PTPRN2: variants seen among roughly 807,000 people sequenced by gnomAD.
The protein encoded by PTPRN2 is receptor-type tyrosine-protein phosphatase N2.
Under a neutral mutation model 118.8 loss-of-function variants are expected in PTPRN2, and 74 were observed. The ratio of observed to expected loss-of-function variants is 0.62; its 90% CI spans 0.52 to 0.76. PTPRN2 has a LOEUF of 0.76. Ranked by LOEUF, PTPRN2 falls within the 30% of genes least tolerant of loss-of-function variation. The pLI, the probability that PTPRN2 is intolerant of heterozygous loss-of-function variation, is 0.00. For synonymous variants in PTPRN2, 641 were observed against 608.0 expected (o/e 1.05, Z -0.80); for missense variants, 1,481 against 1,394.4 (o/e 1.06, Z -0.99).
intron 12 of PTPRN2, among the ~76,000 whole-genome samples, chr7:157,883,748 C>G (rs918174822): frequency 6.9e-6 from 1 of 145,046 alleles, no homozygotes; most frequent in African/African-American, 2.7e-5. Flanking sequence ...CACACCACCC[C>G]AAAAATGACT....
At chr7:157,548,895 C>T (rs1002617851) in intron 22 of PTPRN2, 51 bp downstream of exon 22, 1 of 1,558,784 alleles carries the variant, frequency 6.4e-7, no homozygotes, top group South Asian at 1.1e-5. Flanking sequence ...AACACGGCCG[C>T]AGAGAGGCAC....
At chr7:158,245,937 G>A (rs1018610310) in intron 3 of PTPRN2, among the ~76,000 whole-genome samples, 3 of 151,958 alleles carry the variant, frequency 2.0e-5, no homozygotes, top group African/African-American at 7.3e-5. Context: ...ACACTGGAAA[G>A]CTGCTCTTAC....
intron 6 of PTPRN2, among the ~76,000 whole-genome samples, chr7:158,139,647 C>A (rs1394488039): frequency 2.6e-5 from 4 of 151,734 alleles, no homozygotes; most frequent in South Asian, 4.2e-4. Context: ...TGAGCTACTG[C>A]AAGTCAGAGA....
Position 157,676,242 on chromosome 7 carries a change from C to A in PTPRN2, c.2001+6483G>T, listed in dbSNP as rs1796662260. ...TCCTGGCAGCCCTGCAAATGCCCAC[C>A]CTCTTGGGTCTGTCCCTACCCTGCA... On this transcript the variant is annotated intron_variant, in intron 13 of 22. Coordinates refer to ENST00000389418, the MANE Select transcript of PTPRN2 (RefSeq NM_002847.5). This position sits in a 1 kb window ranked among gnomAD's most constrained non-coding sequence, Gnocchi z 5.6. Among the ~76,000 whole-genome samples, 1 of 152,130 alleles carries A rather than the reference C, an allele frequency of 6.6e-6. No individual in the cohort carries two copies. The highest frequency in any genetic ancestry group is 1.5e-5 in the Non-Finnish European group (1 of 68,020).
intron 11 of PTPRN2, among the ~76,000 whole-genome samples, chr7:158,071,435 G>GGTGGAGGTGCTCGTGGTGGAGGTGCTC (rs1563391291): frequency 4.8e-5 from 2 of 41,348 alleles, no homozygotes; most frequent in Admixed American, 2.8e-4. Flanking sequence ...AGGTGCTCGT[G>GGTGGAGGTGCTCGTGGTGGAGGTGCTC]GTGGTGGAGG....
chr7:158,428,148 C>T (rs1815886835), intron 2 of PTPRN2, among the ~76,000 whole-genome samples: 1 of 152,248 alleles, frequency 6.6e-6, no homozygotes, highest in African/African-American at 2.4e-5. Context: ...ATCCGAGTGT[C>T]TTTAAACTGG....
At chr7:158,445,280 C>T (rs1162052702) in intron 2 of PTPRN2, among the ~76,000 whole-genome samples, 1 of 152,182 alleles carries the variant, frequency 6.6e-6, no homozygotes, top group African/African-American at 2.4e-5. Context: ...TTGTTCTCAC[C>T]ACCAAAGGAA....
intron 12 of PTPRN2, among the ~76,000 whole-genome samples, chr7:157,889,337 C>T (rs1796664210): frequency 6.6e-6 from 1 of 151,992 alleles, no homozygotes; most frequent in African/African-American, 2.4e-5. Flanking sequence ...GCTTCCTTCT[C>T]TGAGGGCTGA....
chr7:158,413,572 A>C (rs887178391), intron 2 of PTPRN2, among the ~76,000 whole-genome samples: 3 of 152,228 alleles, frequency 2.0e-5, no homozygotes, highest in African/African-American at 7.2e-5. Context: ...AGAAGATGGC[A>C]GGGCTCAAGA....
In PTPRN2 at chr7:157,607,456, G is replaced by A. The variant is rs559444096; in HGVS notation, c.2345-3381C>T. Among the ~76,000 whole-genome samples, 117 of 152,358 alleles carry A rather than the reference G, an allele frequency of 7.7e-4. 1 individual carries two copies. The highest frequency in any genetic ancestry group is 2.7e-3 in the African/African-American group (112 of 41,588). Reference sequence around the variant, plus strand: ...CTTGTGAGACCAGCAACTGCGGACCGTTCTTACGTGTCTGAGAAGGCATTA... The same window carrying A: ...CTTGTGAGACCAGCAACTGCGGACCATTCTTACGTGTCTGAGAAGGCATTA... On this transcript the variant is annotated intron_variant, in intron 15 of 22. Coordinates refer to ENST00000389418, the MANE Select transcript of PTPRN2 (RefSeq NM_002847.5).
chr7:157,790,384 A>G (rs1039813529), intron 12 of PTPRN2, among the ~76,000 whole-genome samples: 1 of 151,914 alleles, frequency 6.6e-6, no homozygotes, highest in Non-Finnish European at 1.5e-5. Context: ...CCTGGAGTAC[A>G]TGCTCAGGAA....
chr7:157,998,558 C>T (rs1335747088), intron 11 of PTPRN2, among the ~76,000 whole-genome samples: 1 of 152,178 alleles, frequency 6.6e-6, no homozygotes, highest in Non-Finnish European at 1.5e-5. Flanking sequence ...AATGTTTAAT[C>T]ACACCTGTAA....
intron 2 of PTPRN2, among the ~76,000 whole-genome samples, chr7:158,443,234 G>A (rs994408211): frequency 3.9e-5 from 6 of 152,162 alleles, no homozygotes; most frequent in Admixed American, 2.0e-4. Flanking sequence ...CCCATCTTCC[G>A]TGGCTCAGCC....
intron 9 of PTPRN2, among the ~76,000 whole-genome samples, chr7:158,123,945 G>C (rs547521075): frequency 4.0e-5 from 6 of 150,500 alleles, no homozygotes; most frequent in Non-Finnish European, 8.9e-5. Flanking sequence ...ATCCCGTGCC[G>C]ACCCAGGCGG....
Position 157,785,971 on chromosome 7 carries a change from C to T in PTPRN2, c.1789-103034G>A, listed in dbSNP as rs538646202. 9.9e-5 allele frequency among the ~76,000 whole-genome samples: 15 copies of T among 152,250 alleles called. No homozygotes were observed. The highest frequency in any genetic ancestry group is 2.9e-4 in the African/African-American group (12 of 41,562). On this transcript the variant is annotated intron_variant, in intron 12 of 22. Transcript: ENST00000389418. The surrounding 1 kb of genome is among the most constrained non-coding windows in gnomAD (Gnocchi z 7.3). ...GGATGGCTGCAGGGACCCCCTGGGC[C>T]GGCTCTGGGTGCTGCTGCTCCCAGG...
chr7:157,805,015 G>A (rs1431288001), intron 12 of PTPRN2, among the ~76,000 whole-genome samples: 2 of 152,170 alleles, frequency 1.3e-5, no homozygotes, highest in Non-Finnish European at 2.9e-5. Context: ...CTCAGCGTGG[G>A]GTGGGAGTGC....
At chr7:158,085,673 C>A (rs375469101) in intron 10 of PTPRN2, among the ~76,000 whole-genome samples, 1 of 140,682 alleles carries the variant, frequency 7.1e-6, no homozygotes, top group African/African-American at 2.8e-5. Flanking sequence ...CGACGCCCAT[C>A]CACACCCATG....
At chr7:157,601,281 T>C (rs1437587809) in intron 16 of PTPRN2, among the ~76,000 whole-genome samples, 2 of 152,194 alleles carry the variant, frequency 1.3e-5, no homozygotes, top group African/African-American at 4.8e-5. Flanking sequence ...ATATGACAGA[T>C]GTAATTATCA....
chr7:158,120,114 T>C (rs915956206), intron 9 of PTPRN2, among the ~76,000 whole-genome samples: 1 of 152,176 alleles, frequency 6.6e-6, no homozygotes, highest in African/African-American at 2.4e-5. Flanking sequence ...GGACAAATTC[T>C]GTGTGTCTAC....
Sources: allele counts gnomAD v4.1 joint callset (sites outside exome capture counted in the v4.1 genomes callset), GRCh38; gene constraint gnomAD v4.1.1; non-coding constraint Gnocchi (gnomAD v3.1); transcripts MANE v1.5; gene names NCBI Gene and HGNC (gene_info 2026-07-23, HGNC 2026-07-21).